Variants in GNAS observed in about 807,000 individuals in gnomAD.
The protein encoded by GNAS is GNAS complex locus, also known as protein ALEX.
Under a neutral mutation model 54.5 loss-of-function variants are expected in GNAS, and 8 were observed. The observed-to-expected ratio is 0.15, with a 90% confidence interval of 0.09 to 0.26. GNAS has a LOEUF of 0.26. Among genes scored for constraint, GNAS ranks in the 10% least tolerant of loss-of-function variants. The probability of loss-of-function intolerance (pLI) is 1.00; values close to 1 mark genes in which losing one functional copy is unlikely to be tolerated. For synonymous variants in GNAS, 204 were observed against 191.4 expected (o/e 1.07, Z -0.54); for missense variants, 170 against 529.8 (o/e 0.32, Z 6.67).
rs2086279088 is a variant in GNAS at position 58,853,680 on chromosome 20, A to C, written c.43+12794A>C. 1 of 1,613,602 alleles carries C rather than the reference A, an allele frequency of 6.2e-7. No individual in the cohort carries two copies. Among genetic ancestry groups the C allele is most frequent in the South Asian group, 1.1e-5 (1 of 91,092 alleles). The stretch of plus-strand genomic sequence containing the variant: ...CCTTGAGGCCTTCGGCCCAGCACTC[A>C]TGGAGCCCGGAGCCTTCAGTGGTGC... On this transcript the variant is annotated intron_variant, in intron 1 of 12. Coordinates refer to the GNAS transcript ENST00000306090. This position sits in a 1 kb window ranked among gnomAD's most constrained non-coding sequence, Gnocchi z 4.4.
intron 1 of GNAS, among the ~76,000 whole-genome samples, chr20:58,880,830 T>G (rs1194899416): frequency 2.0e-5 from 3 of 152,246 alleles, no homozygotes; most frequent in African/African-American, 7.2e-5. Context: ...TAGAGTTCTA[T>G]CCTTTAGTCA....
At chr20:58,903,454 G>A (rs778285042) in intron 3 of GNAS, 77 bp from the exon 4 acceptor site, 283 of 1,172,926 alleles carry the variant, frequency 2.4e-4, no homozygotes, top group Non-Finnish European at 3.4e-4. Context: ...CTTTTTAGTC[G>A]GGATGTCTTT....
intron 1 of GNAS, among the ~76,000 whole-genome samples, chr20:58,875,505 T>TC (rs2087749047): frequency 6.6e-6 from 1 of 152,148 alleles, no homozygotes; most frequent in Admixed American, 6.5e-5. Flanking sequence ...AGTCACCCCC[T>TC]CCCCACTTCT....
intron 2 of GNAS, among the ~76,000 whole-genome samples, chr20:58,896,375 C>T (rs2090049760): frequency 6.6e-6 from 1 of 152,090 alleles, no homozygotes; most frequent in South Asian, 2.1e-4. Flanking sequence ...CACTCCCAGC[C>T]TCACTGAGGG....
chr20:58,885,900 G>A, intron 1 of GNAS, among the ~76,000 whole-genome samples: 1 of 152,196 alleles, frequency 6.6e-6, no homozygotes, highest in Non-Finnish European at 1.5e-5. Flanking sequence ...TGTTTCAGTG[G>A]AAACCTATTT....
chr20:58,893,217 CTTTT>C (rs1376107383), intron 1 of GNAS, among the ~76,000 whole-genome samples: 1 of 149,922 alleles, frequency 6.7e-6, no homozygotes, highest in Admixed American at 6.7e-5. Context: ...TTTGGGTTTT[CTTTT>C]TTTGATTGCG....
At chr20:58,861,792 G>A (rs376597906) in intron 1 of GNAS, among the ~76,000 whole-genome samples, 8 of 152,122 alleles carry the variant, frequency 5.3e-5, no homozygotes, top group Non-Finnish European at 8.8e-5. Context: ...TGCAACCTCC[G>A]CCTCCCGGGT....
intron 1 of GNAS, chr20:58,854,295 G>C (rs748630556): frequency 7.5e-6 from 12 of 1,607,358 alleles, no homozygotes; most frequent in Non-Finnish European, 1.0e-5. Flanking sequence ...CGGAGCCCCA[G>C]ATAAGAGAGA....
At chr20:58,855,259 G>A (rs773531749) in intron 1 of GNAS, 2 of 1,588,718 alleles carry the variant, frequency 1.3e-6, no homozygotes, top group South Asian at 2.3e-5. Context: ...GAGAAGAAAC[G>A]CAGTAAGCTC....
At chr20:58,862,169 G>GT (rs1410945582) in intron 1 of GNAS, among the ~76,000 whole-genome samples, 1 of 151,702 alleles carries the variant, frequency 6.6e-6, no homozygotes, top group Non-Finnish European at 1.5e-5. Flanking sequence ...GTTGTTTTTT[G>GT]TTTTTTGAGA....
At chr20:58,888,211 G>A (rs1446505921), upstream of GNAS, among the ~76,000 whole-genome samples, 9 of 152,124 alleles carry the variant, frequency 5.9e-5, no homozygotes, top group Admixed American at 3.3e-4. Context: ...TGGGCTTTCC[G>A]GGACGTAGGC....
chr20:58,906,144 G>A (rs2091028674), intron 6 of GNAS, among the ~76,000 whole-genome samples: 1 of 152,156 alleles, frequency 6.6e-6, no homozygotes, highest in African/African-American at 2.4e-5. Flanking sequence ...ACCGTGGTGG[G>A]GTTATTTTCA....
chr20:58,868,945 C>A (rs1600797096), intron 1 of GNAS, among the ~76,000 whole-genome samples: 1 of 152,186 alleles, frequency 6.6e-6, no homozygotes, highest in South Asian at 2.1e-4. Context: ...TTCACCCTTG[C>A]GCCGGCGCCT....
intron 1 of GNAS, among the ~76,000 whole-genome samples, chr20:58,860,414 ATAAT>A (rs1299366991): frequency 6.6e-6 from 1 of 151,870 alleles, no homozygotes; most frequent in African/African-American, 2.4e-5. Flanking sequence ...CCACTAAATA[ATAAT>A]TAATCATTAT....
chr20:58,877,148 A>AC (rs2087875046), intron 1 of GNAS, among the ~76,000 whole-genome samples: 1 of 149,836 alleles, frequency 6.7e-6, no homozygotes, highest in East Asian at 2.0e-4. Flanking sequence ...AAAGAACAAG[A>AC]TTTTTTTTTT....
At chr20:58,890,992 G>C (rs1465437790), upstream of GNAS, among the ~76,000 whole-genome samples, 1 of 151,348 alleles carries the variant, frequency 6.6e-6, no homozygotes, top group African/African-American at 2.4e-5. Flanking sequence ...GGCGCCCGCG[G>C]GAGGGGGAGG....
chr20:58,880,079 A>G (rs2088126843), intron 1 of GNAS, among the ~76,000 whole-genome samples: 1 of 152,144 alleles, frequency 6.6e-6, no homozygotes, highest in Non-Finnish European at 1.5e-5. Context: ...TAGCCAGTTT[A>G]GACTCTCTTG....
At chr20:58,842,521 T>C (rs2085778534) in intron 1 of GNAS, 4 of 398,572 alleles carry the variant, frequency 1.0e-5, no homozygotes, top group African/African-American at 2.1e-5. Flanking sequence ...GCGCAGACTG[T>C]GGTTGGATGC....
chr20:58,895,038 A>G (rs539378179), intron 1 of GNAS: 8 of 160,672 alleles, frequency 5.0e-5, no homozygotes, highest in African/African-American at 1.9e-4. Flanking sequence ...TGGATTTTTA[A>G]GTAGCCCAAG....
Sources: allele counts gnomAD v4.1 joint callset (sites outside exome capture counted in the v4.1 genomes callset), GRCh38; gene constraint gnomAD v4.1.1; non-coding constraint Gnocchi (gnomAD v3.1); transcripts MANE v1.5; gene names NCBI Gene and HGNC (gene_info 2026-07-23, HGNC 2026-07-21).